CPS1: variants seen among roughly 807,000 people sequenced by gnomAD.
CPS1 encodes the protein carbamoyl-phosphate synthase [ammonia], mitochondrial.
A neutral mutation model predicts 174.6 loss-of-function variants in CPS1; 109 were observed. The observed-to-expected ratio is 0.62, with a 90% confidence interval of 0.53 to 0.73. The LOEUF (loss-of-function observed/expected upper bound fraction) is 0.73, where lower values mean the gene tolerates loss of function less well. CPS1 is among the 30% of genes least tolerant of loss of function. The pLI is 0.00. For missense variants in CPS1, 1,689 were observed against 1,821.9 expected (o/e 0.93, Z 1.33); for synonymous variants, 637 against 632.0 (o/e 1.01, Z -0.12).
chr2:210,642,381 T>G (rs561929240), intron 24 of CPS1, 103 bp from the exon 25 acceptor site: 1 of 1,366,052 alleles, frequency 7.3e-7, no homozygotes, highest in East Asian at 2.3e-5. Flanking sequence ...TGAAAATCAT[T>G]AGCTTCCTTA....
intron 1 of CPS1, among the ~76,000 whole-genome samples, chr2:210,510,397 A>T (rs1217927355): frequency 6.6e-6 from 1 of 152,220 alleles, no homozygotes; most frequent in East Asian, 1.9e-4. Flanking sequence ...TTAAAGATTT[A>T]AATGTTAGAC....
chr2:210,507,013 G>C (rs1379704044), intron 1 of CPS1, among the ~76,000 whole-genome samples: 4 of 152,076 alleles, frequency 2.6e-5, no homozygotes, highest in African/African-American at 9.7e-5. Flanking sequence ...TTCAGATTCA[G>C]GAAATACAGA....
intron 1 of CPS1, among the ~76,000 whole-genome samples, chr2:210,508,900 C>T (rs2105972002): frequency 6.6e-6 from 1 of 152,246 alleles, no homozygotes; most frequent in East Asian, 1.9e-4. Context: ...AGCTTACCAA[C>T]CAAAAAAAGT....
intron 1 of CPS1, among the ~76,000 whole-genome samples, chr2:210,494,175 G>T (rs1015223695): frequency 6.6e-6 from 1 of 152,118 alleles, no homozygotes; most frequent in Non-Finnish European, 1.5e-5. Flanking sequence ...CTGTGACAAT[G>T]TTAATTTCAT....
At position 210,600,709 on chromosome 2, in the gene CPS1, A is replaced by G. The variant is rs1698692752; in HGVS notation, c.1704A>G (p.Glu568=). 1 of 1,611,734 alleles carries G rather than the reference A, an allele frequency of 6.2e-7. No individual in the cohort carries two copies. The stretch of plus-strand genomic sequence containing the variant: ...AGATTGCTCCAAGTTTTGCAGTGGA[A>G]TCGGTAAGGATTCTTTGCTTTGGAA... ...NEKIAPSFAV[E]SIEDALKAAD... The change falls in exon 15 of 38, where the codon GAA becomes GAG. Residue 568 remains glutamate (E), a synonymous_variant. Coordinates refer to ENST00000233072, the MANE Select transcript of CPS1 (RefSeq NM_001875.5).
chr2:210,658,529 C>A, intron 30 of CPS1, 70 bp from the exon 31 acceptor site: 1 of 1,199,708 alleles, frequency 8.3e-7, no homozygotes, highest in Non-Finnish European at 1.2e-6. Flanking sequence ...AGGTACTGTG[C>A]CTTTTAGAAA....
intron 34 of CPS1, among the ~76,000 whole-genome samples, chr2:210,670,833 T>G (rs1701276698): frequency 6.6e-6 from 1 of 152,142 alleles, no homozygotes; most frequent in Admixed American, 6.6e-5. Flanking sequence ...ATCCAATAGG[T>G]CAAAGTATCT....
intron 1 of CPS1, among the ~76,000 whole-genome samples, chr2:210,512,675 A>G (rs1469380381): frequency 1.4e-5 from 2 of 144,502 alleles, no homozygotes; most frequent in South Asian, 2.2e-4. Flanking sequence ...ATGTGTATGC[A>G]TGTGTCTTTT....
chr2:210,554,297 G>T (rs1383213086), upstream of CPS1, among the ~76,000 whole-genome samples: 1 of 146,374 alleles, frequency 6.8e-6, no homozygotes, highest in Non-Finnish European at 1.5e-5. Context: ...ACACACCGTA[G>T]TTTGCAAGTC....
rs542745486 is a variant in CPS1, at chr2:210,498,285, G to A, written c.3+20519G>A. Among the ~76,000 whole-genome samples, 508 of 152,156 alleles carry A rather than the reference G, an allele frequency of 3.3e-3. 5 individuals carry two copies. Among genetic ancestry groups the A allele is most frequent in the Non-Finnish European group, 5.8e-3 (391 of 67,970 alleles). On this transcript the variant is annotated intron_variant, in intron 1 of 38. Coordinates refer to the CPS1 transcript ENST00000430249. ...CATTTTTTAATGGGGTTTGAGCATA[G>A]AATATTTTTCCACTGGTTTGTGTCA...
intron 1 of CPS1, among the ~76,000 whole-genome samples, chr2:210,530,450 T>C (rs1696088503): frequency 6.6e-6 from 1 of 152,122 alleles, no homozygotes; most frequent in African/African-American, 2.4e-5. Flanking sequence ...TACTGAGCAT[T>C]GTGTAGAATT....
intron 1 of CPS1, among the ~76,000 whole-genome samples, chr2:210,491,309 T>G (rs112594987): frequency 0.25 from 6,464 of 25,804 alleles, 444 homozygotes; most frequent in South Asian, 0.42. Flanking sequence ...GTATCTGTGT[T>G]TTTTTTTTTT....
intron 1 of CPS1, among the ~76,000 whole-genome samples, chr2:210,535,317 A>AC (rs1427593515): frequency 6.6e-6 from 1 of 151,868 alleles, no homozygotes; most frequent in Non-Finnish European, 1.5e-5. Flanking sequence ...TTAGGCACCT[A>AC]CCCCTGTCAG....
chr2:210,571,274 A>G (rs973886443), intron 1 of CPS1, among the ~76,000 whole-genome samples: 2 of 151,996 alleles, frequency 1.3e-5, no homozygotes, highest in African/African-American at 2.4e-5. Context: ...AAGGAAATAG[A>G]TAAATCTTTA....
intron 6 of CPS1, 63 bp downstream of exon 6, chr2:210,582,772 T>C: frequency 1.6e-6 from 2 of 1,266,474 alleles, no homozygotes; most frequent in East Asian, 2.3e-5. Context: ...TCTTGAAATA[T>C]CAAAATCTTT....
chr2:210,650,464 CTGT>C (rs1394814116), intron 28 of CPS1, 26 bp downstream of exon 28: 1 of 1,472,890 alleles, frequency 6.8e-7, no homozygotes, highest in Admixed American at 1.7e-5. Context: ...TTTGTAGTGA[CTGT>C]TATCTCTTAA....
chr2:210,620,657 CAG>C (rs1342008421), intron 21 of CPS1, among the ~76,000 whole-genome samples: 1 of 151,944 alleles, frequency 6.6e-6, no homozygotes, highest in East Asian at 1.9e-4. Flanking sequence ...AGGAGCCAGC[CAG>C]AGAGAGGGAG....
At chr2:210,528,103 C>G (rs1318279463) in intron 1 of CPS1, among the ~76,000 whole-genome samples, 3 of 151,846 alleles carry the variant, frequency 2.0e-5, no homozygotes, top group African/African-American at 7.3e-5. Context: ...CAACACAAGT[C>G]ACCCTGTTTG....
intron 36 of CPS1, 93 bp from the exon 37 acceptor site, chr2:210,676,914 C>A: frequency 8.0e-7 from 1 of 1,254,534 alleles, no homozygotes; most frequent in Admixed American, 1.7e-5. Context: ...ATGGCATTGA[C>A]TTGAATGGCT....
Sources: gnomAD v4.1 joint callset for allele counts (sites outside exome capture counted in the v4.1 genomes callset) on GRCh38, gnomAD v4.1.1 for gene constraint, MANE v1.5 for transcripts, NCBI Gene and HGNC (gene_info 2026-07-23, HGNC 2026-07-21) for gene names.